The following ZBTB17 variants were observed in gnomAD, a reference collection of about 807,000 sequenced individuals.
The protein encoded by ZBTB17 is zinc finger and BTB domain-containing protein 17.
In ZBTB17, 24 loss-of-function variants were observed where a neutral mutation model predicts 85.1. The ratio of observed to expected loss-of-function variants is 0.28; its 90% confidence interval spans 0.20 to 0.40. The LOEUF is 0.40. Among genes scored for constraint, ZBTB17 ranks in the 10% least tolerant of loss-of-function variants. ZBTB17 has a pLI of 1.00. For missense variants in ZBTB17, 743 were observed against 1,105.1 expected (o/e 0.67, Z 4.65); for synonymous variants, 464 against 460.2 (o/e 1.01, Z -0.11).
Position 15,951,148 on chromosome 1 carries a change from C to T in ZBTB17, c.-2-2651G>A, listed in dbSNP as rs1278708234. On this transcript the variant is annotated intron_variant, in intron 2 of 15. Coordinates refer to ENST00000375743, the MANE Select transcript of ZBTB17 (RefSeq NM_003443.3). The surrounding 1 kb of genome is among the most constrained non-coding windows in gnomAD (Gnocchi z 4.1). Reference sequence around the variant, plus strand: ...CCCGCCCAGAAGTGGGCTCCTCCCACACACGGGTGTTAGGAGGAGAAACAG... The same window carrying T: ...CCCGCCCAGAAGTGGGCTCCTCCCATACACGGGTGTTAGGAGGAGAAACAG... Among the ~76,000 whole-genome samples, 1 of 152,204 alleles carries T rather than the reference C, an allele frequency of 6.6e-6. No homozygotes were observed. The highest frequency in any genetic ancestry group is 2.4e-5 in the African/African-American group (1 of 41,444).
chr1:15,950,363 G>T (rs79643981), intron 2 of ZBTB17, among the ~76,000 whole-genome samples: 2,841 of 152,374 alleles, frequency 0.019, 75 homozygotes, highest in East Asian at 0.11. Context: ...AAAGGGCAAG[G>T]TGGGTGCAGA....
chr1:15,973,074 GAC>G lies in ZBTB17; in HGVS notation c.-40_-39del, dbSNP rs1299742621. 34 of 152,204 alleles carry G rather than the reference GAC, an allele frequency of 2.2e-4. No homozygotes were observed. The highest frequency in any genetic ancestry group is 2.1e-3 in the Admixed American group (32 of 15,278). 9.4% of individuals were successfully genotyped at this position (152,204 alleles called of 1,614,324 possible). ...CAGACAGCCCAGGCTACTCTTTTCT[GAC>G]AGTTTGCCTGTGTAAACTCCAGCTT... On this transcript the variant is annotated 5_prime_UTR_variant, in exon 2 of 16. An upstream open reading frame in the 5' UTR gains an earlier in-frame stop. Coordinates refer to ENST00000375743, the MANE Select transcript of ZBTB17 (RefSeq NM_003443.3). The surrounding 1 kb of genome is among the most constrained non-coding windows in gnomAD (Gnocchi z 4.1).
intron 2 of ZBTB17, among the ~76,000 whole-genome samples, chr1:15,948,820 A>G (rs939218536): frequency 2.0e-5 from 3 of 152,222 alleles, no homozygotes; most frequent in African/African-American, 7.2e-5. Context: ...CAAATACAGA[A>G]CACTGAAATG....
chr1:15,960,188 C>T lies in ZBTB17; in HGVS notation c.-2-11691G>A, dbSNP rs148983137. Among the ~76,000 whole-genome samples the T allele has an allele frequency of 3.0e-4, 46 of 152,276 alleles. No individual in the cohort carries two copies. The East Asian group carries it at 8.5e-3, about 28-fold the overall frequency. ...AAACACTCCTACCTCCAAATCCAGC[C>T]GAAGCTAGTTAAGTGCCTCAGGCAG... On this transcript the variant is annotated intron_variant, in intron 2 of 15. Coordinates refer to ENST00000375743, the MANE Select transcript of ZBTB17 (RefSeq NM_003443.3).
At chr1:15,942,944 G>A (rs2071424064) in intron 13 of ZBTB17, 120 bp downstream of exon 13, 1 of 1,473,666 alleles carries the variant, frequency 6.8e-7, no homozygotes, top group Non-Finnish European at 9.2e-7. Context: ...TGCCTTCAAG[G>A]CCACCTGCAG....
intron 2 of ZBTB17, among the ~76,000 whole-genome samples, chr1:15,957,531 T>C (rs77187384): frequency 0.035 from 5,318 of 152,124 alleles, 307 homozygotes; most frequent in African/African-American, 0.12. Flanking sequence ...GACTTTGGAT[T>C]TCTTCTAAGT....
chr1:15,945,272 A>T, intron 6 of ZBTB17, 70 bp from the exon 7 acceptor site: 2 of 1,521,558 alleles, frequency 1.3e-6, no homozygotes, highest in Non-Finnish European at 1.8e-6. Context: ...GGCGCCGGCA[A>T]CATGTGGAAG....
In ZBTB17 at chr1:15,943,734, C is replaced by T. The variant is rs374438682; in HGVS notation, c.1460-19G>A. ...AGGTTCCCTGTGGCGAGACCGAGGGCGAACCTGGCGTGGGGCACCACCGGT... is the reference window on the plus strand; with the variant it reads ...AGGTTCCCTGTGGCGAGACCGAGGGTGAACCTGGCGTGGGGCACCACCGGT... On this transcript the variant is annotated intron_variant, in intron 10 of 15. Coordinates refer to ENST00000375743, the MANE Select transcript of ZBTB17 (RefSeq NM_003443.3). The T allele has an allele frequency of 8.1e-6, 13 of 1,612,760 alleles. No individual in the cohort carries two copies. In the African/African-American group the frequency reaches 9.3e-5, roughly 12 times the overall value.
chr1:15,964,520 C>G lies in ZBTB17; in HGVS notation c.-3+8519G>C, dbSNP rs527377739. 1.3e-5 allele frequency among the ~76,000 whole-genome samples: 2 copies of G among 152,010 alleles called. No homozygotes were observed. The highest frequency in any genetic ancestry group is 4.8e-5 in the African/African-American group (2 of 41,386). ...ATTGCTTGAGCCCAGGAATTCAAGACTAGCTTGGGCTACATGGTGAAACCC... is the reference window on the plus strand; with the variant it reads ...ATTGCTTGAGCCCAGGAATTCAAGAGTAGCTTGGGCTACATGGTGAAACCC... On this transcript the variant is annotated intron_variant, in intron 2 of 15. Transcript: ENST00000375743. The surrounding 1 kb of genome is among the most constrained non-coding windows in gnomAD (Gnocchi z 4.3).
chr1:15,942,678 C>T lies in ZBTB17; in HGVS notation c.1889G>A (p.Arg630His), dbSNP rs1427422482. 7 of 1,613,706 alleles carry T rather than the reference C, an allele frequency of 4.3e-6. No individual in the cohort carries two copies. Among genetic ancestry groups the T allele is most frequent in the East Asian group, 2.2e-5 (1 of 44,890 alleles). ...GRGFNRVDNL[R>H]SHVKTVHQGK... Reference sequence around the variant, plus strand: ...CTGGTGCACGGTCTTCACGTGGGAGCGCAGGTTGTCTACCCGGTTGAAGCC... The same window carrying T: ...CTGGTGCACGGTCTTCACGTGGGAGTGCAGGTTGTCTACCCGGTTGAAGCC... Residue 630 changes from arginine (R) to histidine (H), a missense_variant, in exon 14 of 16, where the codon CGC (arginine) becomes CAC (histidine). Physicochemically the swap from Arg to His is conservative, Grantham distance 29. Coordinates refer to ENST00000375743, the MANE Select transcript of ZBTB17 (RefSeq NM_003443.3).
Position 15,944,892 on chromosome 1 carries a change from A to T in ZBTB17, c.927+45T>A, listed in dbSNP as rs766640363. 26 of 1,563,616 alleles carry T rather than the reference A, an allele frequency of 1.7e-5. 1 individual carries two copies. In the South Asian group the frequency reaches 3.0e-4, roughly 18 times the overall value. ...TGAGGAGCAGCCGGTGGGAGGCCGGAGGGGAGGGACGCTGGCTGGGAGGGC... is the reference window on the plus strand; with the variant it reads ...TGAGGAGCAGCCGGTGGGAGGCCGGTGGGGAGGGACGCTGGCTGGGAGGGC... On this transcript the variant is annotated intron_variant, in intron 7 of 15. Transcript: ENST00000375743.
rs1275193140 is a variant in ZBTB17, at chr1:15,943,879, G to T, written c.1388C>A (p.Ala463Asp). The change falls in exon 10 of 16, where the codon GCC (alanine) becomes GAC (aspartate). Residue 463 changes from alanine to aspartate, a missense_variant. Transcript: ENST00000375743. The stretch of plus-strand genomic sequence containing the variant: ...GTCAGCGATGTGGATCTTCAGGTGG[G>T]CCTTCAGGTTCCCTACCTGTGCCCA... ...KKFNQVGNLK[A>D]HLKIHIADGP... is the part of the protein sequence containing the mutation. 6.2e-7 allele frequency: 1 copy of T among 1,603,154 alleles called. No homozygotes were observed. Among genetic ancestry groups the T allele is most frequent in the Admixed American group, 1.7e-5 (1 of 58,644 alleles).
chr1:15,948,438 G>A lies in ZBTB17; in HGVS notation c.58C>T (p.Leu20=). 1 of 1,614,042 alleles carries A rather than the reference G, an allele frequency of 6.2e-7. No individual in the cohort carries two copies. Among genetic ancestry groups the A allele is most frequent in the Non-Finnish European group, 8.5e-7 (1 of 1,180,050 alleles). The stretch of plus-strand genomic sequence containing the variant: ...AAGGTGCAGTCACAGAGAAGCCCCA[G>A]CTGCCGCTGCTGGTTCAGCTGTTCC... The part of the protein sequence containing the change: ...VLEQLNQQRQ[L]GLLCDCTFVV... The change falls in exon 3 of 16, where the codon CTG becomes TTG. Residue 20 remains leucine, a synonymous_variant. Transcript: ENST00000375743.
rs2071369041 is a variant in ZBTB17, at chr1:15,941,870, T to C, written c.*99A>G. On this transcript the variant is annotated 3_prime_UTR_variant, in exon 16 of 16. Coordinates refer to ENST00000375743, the MANE Select transcript of ZBTB17 (RefSeq NM_003443.3). ...CCCCACAGGGACCTATAGGCAGCAT[T>C]AGAAAATAATCCAATTTATTCTCTC... 6.9e-7 allele frequency: 1 copy of C among 1,446,008 alleles called. No individual in the cohort carries two copies. The highest frequency in any genetic ancestry group is 1.4e-5 in the African/African-American group (1 of 70,880). 89.6% of individuals were successfully genotyped at this position (1,446,008 alleles called of 1,614,324 possible).
At chr1:15,943,949 C>T in intron 9 of ZBTB17, 54 bp from the exon 10 acceptor site, 1 of 1,477,420 alleles carries the variant, frequency 6.8e-7, no homozygotes. Context: ...GCCCCGGGCC[C>T]CCTCACCTGC....
chr1:15,969,908 G>C, intron 2 of ZBTB17: 2 of 637,412 alleles, frequency 3.1e-6, no homozygotes, highest in Non-Finnish European at 5.8e-6. Flanking sequence ...CTAGGACTCT[G>C]GAGTCAGGTG....
chr1:15,960,156 C>G (rs1453565079), intron 2 of ZBTB17, among the ~76,000 whole-genome samples: 1 of 152,204 alleles, frequency 6.6e-6, no homozygotes, highest in Non-Finnish European at 1.5e-5. Flanking sequence ...CTCCCAGGAC[C>G]CAGTTAAAAC....
chr1:15,950,976 T>TTC (rs2071812266), intron 2 of ZBTB17, among the ~76,000 whole-genome samples: 1 of 152,048 alleles, frequency 6.6e-6, no homozygotes, highest in Non-Finnish European at 1.5e-5. Context: ...ATAAGACACA[T>TTC]TCGCTAGATA....
Position 15,951,028 on chromosome 1 carries a change from C to CTGA in ZBTB17, c.-2-2532_-2-2531insTCA, listed in dbSNP as rs1383641332. On this transcript the variant is annotated intron_variant, in intron 2 of 15. Coordinates refer to ENST00000375743, the MANE Select transcript of ZBTB17 (RefSeq NM_003443.3). This position sits in a 1 kb window ranked among gnomAD's most constrained non-coding sequence, Gnocchi z 4.1. ...CCCAAGGACAGGGTGGGTGGTGGCC[C>CTGA]AGCCCCCCACATACCACCACCCGCC... Among the ~76,000 whole-genome samples, 11 of 152,262 alleles carry CTGA rather than the reference C, an allele frequency of 7.2e-5. No individual in the cohort carries two copies. The highest frequency in any genetic ancestry group is 1.3e-4 in the Non-Finnish European group (9 of 68,016).
Sources: allele counts gnomAD v4.1 joint callset (sites outside exome capture counted in the v4.1 genomes callset), GRCh38; gene constraint gnomAD v4.1.1; non-coding constraint Gnocchi (gnomAD v3.1); transcripts MANE v1.5; gene names NCBI Gene and HGNC (gene_info 2026-07-23, HGNC 2026-07-21).